RBFOX1: variants seen among roughly 807,000 people sequenced by gnomAD.
The protein encoded by RBFOX1 is RNA binding fox-1 homolog 1.
RBFOX1 carries 8 observed loss-of-function variants against 57.7 expected under a neutral mutation model. The ratio of observed to expected loss-of-function variants is 0.14; its 90% CI spans 0.08 to 0.25. The LOEUF (loss-of-function observed/expected upper bound fraction) is 0.25, where lower values mean the gene tolerates loss of function less well. RBFOX1 is among the 10% of genes least tolerant of loss of function. RBFOX1 has a pLI of 1.00. For missense variants in RBFOX1, 611 were observed against 548.5 expected, an observed-to-expected ratio of 1.11 and a Z score of -1.14; for synonymous variants, 326 against 222.4, an observed-to-expected ratio of 1.47 and a Z score of -4.15.
At chr16:7,577,307 C>T (rs907518897) in intron 5 of RBFOX1, among the ~76,000 whole-genome samples, 4 of 152,098 alleles carry the variant, frequency 2.6e-5, no homozygotes, top group African/African-American at 9.7e-5. Context: ...TTTGATCTAG[C>T]CCCTTGACTA....
intron 2 of RBFOX1, among the ~76,000 whole-genome samples, chr16:5,519,918 G>A (rs1015104290): frequency 6.6e-6 from 1 of 152,180 alleles, no homozygotes; most frequent in Non-Finnish European, 1.5e-5. Context: ...GCCATTTACT[G>A]TGATGAATAA....
chr16:7,294,144 G>A (rs2095846341), intron 4 of RBFOX1, among the ~76,000 whole-genome samples: 1 of 152,080 alleles, frequency 6.6e-6, no homozygotes, highest in Non-Finnish European at 1.5e-5. Flanking sequence ...GAGAGTGGGT[G>A]GGGTGGAGGG....
rs751671784 is a variant in RBFOX1, at chr16:6,840,897, A to AAAAAAAAAAAAAAAAAG, written c.-16+186254_-16+186255insAAAAAAAAAGAAAAAAA. 2.0e-4 allele frequency among the ~76,000 whole-genome samples: 27 copies of AAAAAAAAAAAAAAAAAG among 137,496 alleles called. 4 individuals carry two copies. Among genetic ancestry groups the AAAAAAAAAAAAAAAAAG allele is most frequent in the East Asian group, 1.6e-3 (7 of 4,400 alleles). 90.2% of individuals were successfully genotyped at this position (137,496 alleles called of 152,430 possible). A position where few individuals can be genotyped will look rare whatever the true frequency, so the allele number is the denominator to read the frequency against. On this transcript the variant is annotated intron_variant, in intron 3 of 15. Transcript: ENST00000550418. The stretch of plus-strand genomic sequence containing the variant: ...AGTGAGACTCTGTCTCAAAAAAAAA[A>AAAAAAAAAAAAAAAAAG]AAAAAAACGAAAAAAGGTTTGAGAG...
At chr16:5,541,852 C>T (rs1453596110) in intron 2 of RBFOX1, among the ~76,000 whole-genome samples, 3 of 152,150 alleles carry the variant, frequency 2.0e-5, no homozygotes, top group Non-Finnish European at 4.4e-5. Context: ...GGCTGTTCTA[C>T]GGAAAGCATT....
At chr16:6,579,493 G>T (rs1267062534) in intron 2 of RBFOX1, among the ~76,000 whole-genome samples, 1 of 152,168 alleles carries the variant, frequency 6.6e-6, no homozygotes, top group Non-Finnish European at 1.5e-5. Context: ...CTTCCATGCT[G>T]TTCTTGGGAT....
At chr16:7,582,068 C>T (rs1281885651) in intron 6 of RBFOX1, among the ~76,000 whole-genome samples, 1 of 147,258 alleles carries the variant, frequency 6.8e-6, no homozygotes, top group African/African-American at 2.5e-5. Flanking sequence ...CTTAGTCTGT[C>T]ACCCAGACTG....
chr16:6,122,470 T>C (rs908565638), intron 1 of RBFOX1, among the ~76,000 whole-genome samples: 1 of 152,148 alleles, frequency 6.6e-6, no homozygotes, highest in Admixed American at 6.5e-5. Flanking sequence ...CTAATCCTTT[T>C]CTTTGCTATT....
At chr16:5,358,059 G>A (rs7196133) in intron 1 of RBFOX1, among the ~76,000 whole-genome samples, 54,179 of 152,122 alleles carry the variant, frequency 0.36, 11,702 homozygotes, top group East Asian at 0.73. Context: ...CTTAGACTCC[G>A]AGACCAAGAT....
At chr16:5,261,582 C>T (rs1461109071) in intron 1 of RBFOX1, among the ~76,000 whole-genome samples, 2 of 134,806 alleles carry the variant, frequency 1.5e-5, no homozygotes, top group Non-Finnish European at 3.1e-5. Flanking sequence ...TGGAGTCTCT[C>T]CCTGTCACCC....
rs536304797 is a variant in RBFOX1, at chr16:6,285,569, A to G, written c.-126-31426A>G. 7.4e-4 allele frequency among the ~76,000 whole-genome samples: 113 copies of G among 152,292 alleles called. 1 individual carries two copies. The highest frequency in any genetic ancestry group is 3.4e-3 in the Middle Eastern group (1 of 294). On this transcript the variant is annotated intron_variant, in intron 1 of 15. Coordinates refer to ENST00000550418, the MANE Select transcript of RBFOX1 (RefSeq NM_018723.4). ...AGACGTGGCTGTTTCTTTGCCTCACAGATTCTGAGATGCATAATAGCTTCT... is the reference window on the plus strand; with the variant it reads ...AGACGTGGCTGTTTCTTTGCCTCACGGATTCTGAGATGCATAATAGCTTCT...
intron 1 of RBFOX1, among the ~76,000 whole-genome samples, chr16:6,117,130 C>A (rs1216146590): frequency 6.6e-6 from 1 of 152,134 alleles, no homozygotes; most frequent in East Asian, 1.9e-4. Flanking sequence ...GGCTGAGATG[C>A]TGAGTTCCAT....
chr16:7,503,497 C>T (rs551248292), intron 4 of RBFOX1, among the ~76,000 whole-genome samples: 3 of 152,302 alleles, frequency 2.0e-5, no homozygotes, highest in South Asian at 2.1e-4. Context: ...CAGAATCCAT[C>T]CTTCTCCCCT....
chr16:7,004,638 T>A (rs2153640133), intron 3 of RBFOX1, among the ~76,000 whole-genome samples: 1 of 152,360 alleles, frequency 6.6e-6, no homozygotes, highest in African/African-American at 2.4e-5. Context: ...AGCCTCAACA[T>A]TGGTATTCCA....
chr16:7,474,867 T>C (rs2062313072), intron 4 of RBFOX1, among the ~76,000 whole-genome samples: 1 of 152,200 alleles, frequency 6.6e-6, no homozygotes, highest in Non-Finnish European at 1.5e-5. Context: ...GTGAATGCCA[T>C]TTAGTTACCT....
At chr16:7,020,132 G>T (rs914817840) in intron 3 of RBFOX1, among the ~76,000 whole-genome samples, 21 of 152,002 alleles carry the variant, frequency 1.4e-4, no homozygotes, top group Non-Finnish European at 2.8e-4. Context: ...TCTCAGGCCA[G>T]GTGCGGCGTA....
At chr16:7,178,468 G>C (rs745600144) in intron 4 of RBFOX1, among the ~76,000 whole-genome samples, 1 of 152,060 alleles carries the variant, frequency 6.6e-6, no homozygotes, top group South Asian at 2.1e-4. Flanking sequence ...TTTTTTATTC[G>C]TTCATAAATT....
intron 1 of RBFOX1, among the ~76,000 whole-genome samples, chr16:6,085,919 C>G (rs939662028): frequency 6.6e-6 from 1 of 152,046 alleles, no homozygotes; most frequent in Non-Finnish European, 1.5e-5. Context: ...CCTATTAACC[C>G]GTCACCTAGG....
At chr16:5,951,664 T>G (rs2059522427) in intron 4 of RBFOX1, among the ~76,000 whole-genome samples, 1 of 152,248 alleles carries the variant, frequency 6.6e-6, no homozygotes, top group Admixed American at 6.5e-5. Context: ...CCTGCACTGC[T>G]GAGTCTCCCC....
chr16:6,372,670 G>C (rs1316016199), intron 2 of RBFOX1, among the ~76,000 whole-genome samples: 1 of 151,846 alleles, frequency 6.6e-6, no homozygotes, highest in Non-Finnish European at 1.5e-5. Flanking sequence ...TAGTTGGATG[G>C]AAGGATAGTT....
Sources: allele counts gnomAD v4.1 joint callset (sites outside exome capture counted in the v4.1 genomes callset), GRCh38; gene constraint gnomAD v4.1.1; transcripts MANE v1.5; gene names NCBI Gene and HGNC (gene_info 2026-07-23, HGNC 2026-07-21).